PLD5: variants seen among roughly 807,000 people sequenced by gnomAD.
PLD5 encodes the protein inactive phospholipase D5.
PLD5 carries 36 observed loss-of-function variants against 61.1 expected under a neutral mutation model. The ratio of observed to expected loss-of-function variants is 0.59; its 90% CI spans 0.45 to 0.78. The LOEUF is 0.78. PLD5 is among the 30% of genes least tolerant of loss of function. PLD5 has a pLI of 0.00. For missense variants in PLD5, 515 were observed against 644.4 expected (o/e 0.80, Z 2.17); for synonymous variants, 243 against 242.8 (o/e 1.00, Z -0.01).
chr1:242,394,086 A>G lies in PLD5; in HGVS notation c.190-45844T>C, dbSNP rs555555118. Among the ~76,000 whole-genome samples, 197 of 140,676 alleles carry G rather than the reference A, an allele frequency of 1.4e-3. 3 individuals are homozygous for G. The highest frequency in any genetic ancestry group is 4.7e-3 in the African/African-American group (181 of 38,414). 92.3% of individuals were successfully genotyped at this position (140,676 alleles called of 152,430 possible). A position where few individuals can be genotyped will look rare whatever the true frequency, so the allele number is the denominator to read the frequency against. On this transcript the variant is annotated intron_variant, in intron 1 of 9. Coordinates refer to ENST00000536534, the MANE Select transcript of PLD5 (RefSeq NM_001372062.1). ...AAAAAACATATATATATATGAGTAT[A>G]TATATGTATATATGTGTATATATAT...
intron 2 of PLD5, among the ~76,000 whole-genome samples, chr1:242,297,189 C>T (rs1195399933): frequency 1.3e-5 from 2 of 151,860 alleles, no homozygotes. Flanking sequence ...ACTAAAAATA[C>T]AAAAATTAGC....
intron 1 of PLD5, among the ~76,000 whole-genome samples, chr1:242,496,156 C>A (rs930969306): frequency 4.1e-5 from 6 of 145,958 alleles, no homozygotes; most frequent in Non-Finnish European, 9.0e-5. Flanking sequence ...TACGTTCCAA[C>A]CAGAAAATGT....
intron 1 of PLD5, among the ~76,000 whole-genome samples, chr1:242,520,982 T>G (rs1453748213): frequency 6.6e-6 from 1 of 152,232 alleles, no homozygotes; most frequent in Non-Finnish European, 1.5e-5. Context: ...CTCTGGACAT[T>G]ATGAAGCAGA....
chr1:242,497,135 A>G (rs1668396787), intron 1 of PLD5, among the ~76,000 whole-genome samples: 1 of 152,212 alleles, frequency 6.6e-6, no homozygotes, highest in Non-Finnish European at 1.5e-5. Flanking sequence ...TTCATAAGCC[A>G]CTGCTTTGGG....
chr1:242,177,525 T>C (rs914151502), intron 5 of PLD5, among the ~76,000 whole-genome samples: 2 of 152,118 alleles, frequency 1.3e-5, no homozygotes, highest in African/African-American at 4.8e-5. Flanking sequence ...GTAACAAAAC[T>C]GCACGTTTTG....
intron 9 of PLD5, among the ~76,000 whole-genome samples, chr1:242,099,051 C>A (rs780596157): frequency 1.1e-4 from 16 of 152,332 alleles, no homozygotes; most frequent in Non-Finnish European, 1.8e-4. Flanking sequence ...AGATCTCAGT[C>A]TGTGTGCTGG....
intron 4 of PLD5, among the ~76,000 whole-genome samples, chr1:242,244,372 G>A (rs1258503847): frequency 3.3e-5 from 5 of 152,258 alleles, no homozygotes; most frequent in Non-Finnish European, 7.4e-5. Flanking sequence ...GATACACATG[G>A]GGACAAAGAG....
At chr1:242,448,251 T>A (rs1470922432) in intron 1 of PLD5, among the ~76,000 whole-genome samples, 2 of 152,176 alleles carry the variant, frequency 1.3e-5, no homozygotes, top group African/African-American at 4.8e-5. Flanking sequence ...AGGCAGGGAA[T>A]GAGATGAATG....
intron 2 of PLD5, among the ~76,000 whole-genome samples, chr1:242,338,812 C>T (rs1659673377): frequency 6.6e-6 from 1 of 152,146 alleles, no homozygotes; most frequent in South Asian, 2.1e-4. Flanking sequence ...AATACTAATA[C>T]ATGCCATCTT....
At chr1:242,144,233 C>T (rs928500257) in intron 5 of PLD5, among the ~76,000 whole-genome samples, 3 of 143,854 alleles carry the variant, frequency 2.1e-5, no homozygotes, top group African/African-American at 8.0e-5. Context: ...TGGGAGCCAC[C>T]ACACCCAGCC....
chr1:242,233,812 T>C (rs1309420461), intron 4 of PLD5, among the ~76,000 whole-genome samples: 1 of 152,024 alleles, frequency 6.6e-6, no homozygotes, highest in African/African-American at 2.4e-5. Flanking sequence ...TCCCTCTCTG[T>C]CTCCTCCTAC....
chr1:242,373,277 G>A (rs191062672), intron 1 of PLD5, among the ~76,000 whole-genome samples: 27 of 152,208 alleles, frequency 1.8e-4, no homozygotes, highest in Admixed American at 7.2e-4. Context: ...TTAGAATGGC[G>A]ATCATTAAAA....
At chr1:242,244,566 G>C (rs1438901698) in intron 4 of PLD5, among the ~76,000 whole-genome samples, 1 of 152,212 alleles carries the variant, frequency 6.6e-6, no homozygotes, top group Non-Finnish European at 1.5e-5. Context: ...AGAGGCATGG[G>C]TTTAGAAACA....
At chr1:242,504,233 G>T (rs1273291362) in intron 1 of PLD5, among the ~76,000 whole-genome samples, 1 of 152,154 alleles carries the variant, frequency 6.6e-6, no homozygotes, top group African/African-American at 2.4e-5. Flanking sequence ...AAAGTTCAAA[G>T]GAACCCAAAA....
At chr1:242,494,878 C>CTTTTTTTTTTTTTTTTTTTTCTTTT (rs556893161) in intron 1 of PLD5, among the ~76,000 whole-genome samples, 6 of 135,904 alleles carry the variant, frequency 4.4e-5, no homozygotes, top group Admixed American at 7.2e-5. Flanking sequence ...TTTTTCTTTT[C>CTTTTTTTTTTTTTTTTTTTTCTTTT]TGTTTTTTTT....
At chr1:242,374,362 G>A (rs372489532) in intron 1 of PLD5, among the ~76,000 whole-genome samples, 4 of 152,082 alleles carry the variant, frequency 2.6e-5, no homozygotes, top group Admixed American at 6.5e-5. Flanking sequence ...TCCATTGATC[G>A]GAGAGGCTGA....
chr1:242,350,063 A>G (rs1660387495), intron 1 of PLD5, among the ~76,000 whole-genome samples: 1 of 152,028 alleles, frequency 6.6e-6, no homozygotes, highest in Non-Finnish European at 1.5e-5. Flanking sequence ...AGAAAAAAAA[A>G]GGCCTTAAAG....
intron 2 of PLD5, among the ~76,000 whole-genome samples, chr1:242,328,570 T>C (rs1658970678): frequency 6.6e-6 from 1 of 152,224 alleles, no homozygotes; most frequent in Non-Finnish European, 1.5e-5. Context: ...AACAGTTATA[T>C]AGTTATATAT....
chr1:242,431,886 C>A (rs1430354217), intron 1 of PLD5, among the ~76,000 whole-genome samples: 3 of 152,166 alleles, frequency 2.0e-5, no homozygotes, highest in Non-Finnish European at 4.4e-5. Flanking sequence ...AAGGTCTCTG[C>A]ACTGTTGTTC....
Sources: gnomAD v4.1 joint callset for allele counts (sites outside exome capture counted in the v4.1 genomes callset) on GRCh38, gnomAD v4.1.1 for gene constraint, MANE v1.5 for transcripts, NCBI Gene and HGNC (gene_info 2026-07-23, HGNC 2026-07-21) for gene names.